TANK: variants seen among roughly 807,000 people sequenced by gnomAD.
The protein encoded by TANK is TRAF family member associated NFKB activator.
Under a neutral mutation model 43.6 loss-of-function variants are expected in TANK, and 15 were observed. That is an observed-to-expected ratio of 0.34 (90% CI 0.23 to 0.53). TANK has a LOEUF of 0.53. Ranked by LOEUF, TANK falls within the 20% of genes least tolerant of loss-of-function variation. The probability of loss-of-function intolerance (pLI) is 0.94; values close to 1 mark genes in which losing one functional copy is unlikely to be tolerated. For missense variants in TANK, 417 were observed against 498.6 expected, an observed-to-expected ratio of 0.84 and a Z score of 1.56; for synonymous variants, 162 against 178.2, an observed-to-expected ratio of 0.91 and a Z score of 0.73.
At chr2:161,208,741 G>T (rs1380835876) in intron 4 of TANK, among the ~76,000 whole-genome samples, 1 of 152,150 alleles carries the variant, frequency 6.6e-6, no homozygotes, top group Non-Finnish European at 1.5e-5. Context: ...TTCCATATGA[G>T]CCTCTCTGCA....
At chr2:161,157,944 G>A (rs905960657), upstream of TANK, among the ~76,000 whole-genome samples, 7 of 152,022 alleles carry the variant, frequency 4.6e-5, no homozygotes, top group African/African-American at 1.2e-4. Flanking sequence ...TTGGCCTCCC[G>A]AAGTGCTGGG....
intron 4 of TANK, among the ~76,000 whole-genome samples, chr2:161,221,418 T>C (rs977260702): frequency 1.3e-5 from 2 of 152,176 alleles, no homozygotes; most frequent in Admixed American, 6.5e-5. Flanking sequence ...ATACAAGTTA[T>C]CTTACTCTCT....
At chr2:161,139,751 T>C (rs553438032) in intron 1 of TANK, 1 of 985,332 alleles carries the variant, frequency 1.0e-6, no homozygotes, top group East Asian at 1.1e-4. Context: ...AGAAAAAGAA[T>C]GAAAACAATG....
intron 2 of TANK, chr2:161,201,337 T>C (rs1386407410): frequency 2.3e-6 from 2 of 873,816 alleles, no homozygotes; most frequent in African/African-American, 3.6e-5. Flanking sequence ...AAAGTATGTT[T>C]TTTAAGCCAG....
At chr2:161,179,860 G>A (rs1314342860) in intron 2 of TANK, 99 bp downstream of exon 2, 1 of 1,418,372 alleles carries the variant, frequency 7.1e-7, no homozygotes, top group African/African-American at 1.5e-5. Flanking sequence ...AAATTGCCCT[G>A]AAGAACTATA....
upstream of TANK, chr2:161,160,342 T>C (rs1684352858): frequency 1.0e-6 from 1 of 987,140 alleles, no homozygotes; most frequent in Non-Finnish European, 1.3e-6. Context: ...GGCCCTGGCC[T>C]TGTTGGGTGG....
chr2:161,216,266 A>G (rs1167422037), intron 4 of TANK: 1 of 322,780 alleles, frequency 3.1e-6, no homozygotes, highest in Non-Finnish European at 6.2e-6. Context: ...ATTCTCTAGA[A>G]GTTACATCTG....
At chr2:161,140,875 C>T (rs1435721685) in intron 1 of TANK, among the ~76,000 whole-genome samples, 2 of 151,778 alleles carry the variant, frequency 1.3e-5, no homozygotes, top group Admixed American at 1.3e-4. Context: ...AAAAATTCAG[C>T]GAACACTGCA....
chr2:161,195,901 A>G (rs547312310), intron 2 of TANK, among the ~76,000 whole-genome samples: 5 of 152,142 alleles, frequency 3.3e-5, no homozygotes, highest in Non-Finnish European at 7.4e-5. Context: ...CCTGGCCAAC[A>G]TGGTGAAACC....
chr2:161,220,560 G>A (rs1394327104), intron 4 of TANK, among the ~76,000 whole-genome samples: 1 of 151,946 alleles, frequency 6.6e-6, no homozygotes, highest in Non-Finnish European at 1.5e-5. Flanking sequence ...CCAAGATCAC[G>A]CCACTGCACT....
chr2:161,149,682 A>G (rs569668196), intron 1 of TANK, among the ~76,000 whole-genome samples: 1 of 151,184 alleles, frequency 6.6e-6, no homozygotes, highest in East Asian at 1.9e-4. Flanking sequence ...TTTCTGAGGA[A>G]TCATGGAAGG....
At chr2:161,160,515 G>A (rs1001596297) in intron 1 of TANK, 29 bp downstream of exon 1, 1 of 1,288,866 alleles carries the variant, frequency 7.8e-7, no homozygotes, top group South Asian at 2.6e-5. Flanking sequence ...GAATTGGTGT[G>A]TCCGAATCCG....
Position 161,166,659 on chromosome 2 carries a change from C to T in TANK, c.-50+6173C>T, listed in dbSNP as rs1460913672. On this transcript the variant is annotated intron_variant, in intron 1 of 7. Transcript: ENST00000392749. ...GATGTAGTGGGGCACAGTGGCTTGA[C>T]GCCTATAATCTCAACTACTCAGAAG... 5.3e-5 allele frequency among the ~76,000 whole-genome samples: 8 copies of T among 152,054 alleles called. No homozygotes were observed. The South Asian group carries it at 6.2e-4, about 12-fold the overall frequency.
chr2:161,186,194 AG>A (rs1685657496), intron 2 of TANK, among the ~76,000 whole-genome samples: 1 of 152,212 alleles, frequency 6.6e-6, no homozygotes, highest in Non-Finnish European at 1.5e-5. Context: ...GCTCAAAAAA[AG>A]TAAAACAACG....
At chr2:161,208,040 C>A in intron 4 of TANK, 1 of 760,272 alleles carries the variant, frequency 1.3e-6, no homozygotes, top group Non-Finnish European at 1.6e-6. Context: ...GAAGCCACTA[C>A]GAGCCACCCA....
At chr2:161,167,914 G>A (rs1036752247) in intron 1 of TANK, among the ~76,000 whole-genome samples, 3 of 152,118 alleles carry the variant, frequency 2.0e-5, no homozygotes, top group African/African-American at 7.2e-5. Context: ...GTGAGCCACC[G>A]TGCCTGGCCG....
chr2:161,187,067 G>C (rs1685694368), intron 2 of TANK, among the ~76,000 whole-genome samples: 1 of 152,164 alleles, frequency 6.6e-6, no homozygotes, highest in Non-Finnish European at 1.5e-5. Context: ...CACTCATACA[G>C]TTGTTAATAA....
chr2:161,185,478 G>T (rs200921190), intron 2 of TANK, among the ~76,000 whole-genome samples: 26 of 151,690 alleles, frequency 1.7e-4, no homozygotes, highest in African/African-American at 5.8e-4. Flanking sequence ...GAGGTTTTTG[G>T]TTTTTTGTTT....
chr2:161,161,475 G>T, intron 1 of TANK: 1 of 1,541,822 alleles, frequency 6.5e-7, no homozygotes, highest in Non-Finnish European at 8.8e-7. Flanking sequence ...GAGAGAGGAG[G>T]GATCCTCAAA....
Sources: gnomAD v4.1 joint callset for allele counts (sites outside exome capture counted in the v4.1 genomes callset) on GRCh38, gnomAD v4.1.1 for gene constraint, MANE v1.5 for transcripts, NCBI Gene and HGNC (gene_info 2026-07-23, HGNC 2026-07-21) for gene names.